The following MLC1 variants were observed in gnomAD, a reference collection of about 807,000 sequenced individuals.
The protein encoded by MLC1 is membrane protein MLC1.
A neutral mutation model predicts 44.7 loss-of-function variants in MLC1; 32 were observed. The ratio of observed to expected loss-of-function variants is 0.72; its 90% CI spans 0.54 to 0.96. The LOEUF (loss-of-function observed/expected upper bound fraction) is 0.96, where lower values mean the gene tolerates loss of function less well. Ranked by LOEUF, MLC1 falls within the 40% of genes least tolerant of loss-of-function variation. The pLI is 0.00. For synonymous variants in MLC1, 190 were observed against 213.0 expected, an observed-to-expected ratio of 0.89 and a Z score of 0.94; for missense variants, 459 against 492.2, an observed-to-expected ratio of 0.93 and a Z score of 0.64.
chr22:50,062,461 A>G (rs1333430921), intron 11 of MLC1, among the ~76,000 whole-genome samples: 5 of 152,228 alleles, frequency 3.3e-5, no homozygotes. Flanking sequence ...CCGTCCTAGC[A>G]GGGAGACTGA....
intron 10 of MLC1, among the ~76,000 whole-genome samples, chr22:50,064,990 T>C (rs1004995035): frequency 6.6e-6 from 1 of 152,192 alleles, no homozygotes; most frequent in African/African-American, 2.4e-5. Flanking sequence ...AGTGGCGCGA[T>C]CTCGGCTCGC....
chr22:50,068,432 C>T lies in MLC1; in HGVS notation c.894+1G>A, dbSNP rs1216099725. The T allele has an allele frequency of 6.2e-7, 1 of 1,613,610 alleles. No homozygotes were observed. The highest frequency in any genetic ancestry group is 1.3e-5 in the African/African-American group (1 of 75,052). ...GGGCTCTGAAATAAAATACAACTCA[C>T]TTTTATGGCTGGCGGGTAATCCTTA... On this transcript the variant is annotated splice_donor_variant, in intron 10 of 11. Coordinates refer to ENST00000311597, the MANE Select transcript of MLC1 (RefSeq NM_015166.4). LOFTEE classifies it high-confidence loss of function.
rs148532625 is a variant in MLC1, at chr22:50,076,877, T to G, written c.561A>C (p.Glu187Asp). The G allele has an allele frequency of 5.2e-4, 842 of 1,613,928 alleles. No individual in the cohort carries two copies. The highest frequency in any genetic ancestry group is 5.9e-4 in the Non-Finnish European group (698 of 1,179,860). Reference sequence around the variant, plus strand: ...TCAGGACCCGAGCAGGAAATGGCACTTCGTCCAGAATGTTGGCGCTGTCAG... The same window carrying G: ...TCAGGACCCGAGCAGGAAATGGCACGTCGTCCAGAATGTTGGCGCTGTCAG... ...SMSDSANILD[E>D]VPFPARVLKS... is the part of the protein sequence containing the mutation. Residue 187 changes from glutamate to aspartate, a missense_variant, in exon 7 of 12, where the codon GAA (glutamate) becomes GAC (aspartate). By Grantham distance (45) the Glu-to-Asp change is conservative. Coordinates refer to ENST00000311597, the MANE Select transcript of MLC1 (RefSeq NM_015166.4).
chr22:50,076,517 T>C (rs902873043), intron 7 of MLC1, among the ~76,000 whole-genome samples: 2 of 150,578 alleles, frequency 1.3e-5, no homozygotes, highest in Non-Finnish European at 2.9e-5. Context: ...ATAGCACCAC[T>C]GCACCCCAGC....
At chr22:50,082,820 G>A (rs1569251795) in intron 3 of MLC1, among the ~76,000 whole-genome samples, 1 of 151,892 alleles carries the variant, frequency 6.6e-6, no homozygotes, top group Non-Finnish European at 1.5e-5. Flanking sequence ...ACCCACCACC[G>A]CGCCCAGCTA....
intron 5 of MLC1, among the ~76,000 whole-genome samples, chr22:50,078,655 C>T (rs2062041364): frequency 6.6e-6 from 1 of 151,582 alleles, no homozygotes; most frequent in Non-Finnish European, 1.5e-5. Context: ...AGGAGAATTG[C>T]TTGAACCCGA....
At position 50,080,266 on chromosome 22, in the gene MLC1, A is replaced by G. The variant is rs116571264; in HGVS notation, c.321+78T>C. The G allele has an allele frequency of 6.0e-4, 904 of 1,507,582 alleles. 6 individuals are homozygous for G. The African/African-American group carries it at 0.012, about 19-fold the overall frequency. The allele number at this position is 1,507,582 out of a possible 1,614,324, so 93.4% of individuals were successfully genotyped here. ...ACAACGTCTGTGCGTGGGCACACACACAAGCACACATGGGCACACTGTCTG... is the reference window on the plus strand; with the variant it reads ...ACAACGTCTGTGCGTGGGCACACACGCAAGCACACATGGGCACACTGTCTG... On this transcript the variant is annotated intron_variant, in intron 4 of 11. Transcript: ENST00000311597.
chr22:50,077,286 A>C, intron 6 of MLC1, 115 bp downstream of exon 6: 5 of 933,426 alleles, frequency 5.4e-6, no homozygotes, highest in Non-Finnish European at 5.0e-6. Flanking sequence ...GTCTCATGGG[A>C]ATGCCCTGGA....
At chr22:50,061,780 G>A (rs2061564194) in intron 11 of MLC1, 123 bp from the exon 12 acceptor site, 1 of 885,840 alleles carries the variant, frequency 1.1e-6, no homozygotes, top group African/African-American at 1.7e-5. Flanking sequence ...GAATGTGAAG[G>A]AAGTGGGGAA....
intron 7 of MLC1, 29 bp from the exon 8 acceptor site, chr22:50,074,361 TA>T: frequency 1.3e-6 from 2 of 1,577,674 alleles, no homozygotes. Flanking sequence ...CATCGGCTCA[TA>T]AGGAAGTGGA....
rs575706921 is a variant in MLC1 at position 50,083,840 on chromosome 22, C to A, written c.178-667G>T. Among the ~76,000 whole-genome samples the A allele has an allele frequency of 7.9e-5, 12 of 152,246 alleles. No individual in the cohort carries two copies. The South Asian group carries it at 2.5e-3, about 32-fold the overall frequency. On this transcript the variant is annotated intron_variant, in intron 2 of 11. Coordinates refer to ENST00000311597, the MANE Select transcript of MLC1 (RefSeq NM_015166.4). The surrounding 1 kb of genome is among the most constrained non-coding windows in gnomAD (Gnocchi z 4.6). ...AAGCGAGGTCTGGGGCAGAGGGGAT[C>A]TGGCCTGGGCGGGGGAGGGGCTGCG...
intron 1 of MLC1, 42 bp from the exon 2 acceptor site, chr22:50,085,003 C>A: frequency 1.9e-6 from 3 of 1,548,306 alleles, no homozygotes; most frequent in South Asian, 1.2e-5. Flanking sequence ...TCTGAGGAAA[C>A]TTCAATAAGT....
chr22:50,080,208 T>C (rs1416365086), intron 4 of MLC1, 136 bp downstream of exon 4: 5 of 1,229,892 alleles, frequency 4.1e-6, no homozygotes, highest in Non-Finnish European at 5.8e-6. Flanking sequence ...CTTTACTGTC[T>C]GGGGGGCAAC....
intron 5 of MLC1, among the ~76,000 whole-genome samples, chr22:50,078,211 G>A (rs1216309791): frequency 2.0e-5 from 3 of 151,730 alleles, no homozygotes; most frequent in Non-Finnish European, 2.9e-5. Context: ...GGCTGGTCTC[G>A]AACTCCTGAC....
At chr22:50,080,480 G>C in intron 3 of MLC1, 83 bp from the exon 4 acceptor site, 1 of 1,389,744 alleles carries the variant, frequency 7.2e-7, no homozygotes, top group Non-Finnish European at 1.0e-6. Flanking sequence ...TGCGCTTCCA[G>C]AAGGATCTGA....
intron 5 of MLC1, among the ~76,000 whole-genome samples, chr22:50,079,500 C>CTTTTTTTTTTTTTTTTTTT (rs55760839): frequency 1.3e-5 from 1 of 75,820 alleles, no homozygotes; most frequent in Non-Finnish European, 2.5e-5. Flanking sequence ...GGATTTTTGT[C>CTTTTTTTTTTTTTTTTTTT]TTTTTTTTTT....
chr22:50,059,458 CT>C lies in MLC1; in HGVS notation c.*2124del, dbSNP rs2061521088. ...AAAATGTAGACTGAAAGAGACAGTTCTTTTAAACCCCATTTTTCCGGATTTT... is the reference window on the plus strand; with the variant it reads ...AAAATGTAGACTGAAAGAGACAGTTCTTTAAACCCCATTTTTCCGGATTTT... On this transcript the variant is annotated 3_prime_UTR_variant, in exon 12 of 12. Transcript: ENST00000311597. The C allele has an allele frequency of 6.6e-6, 1 of 152,368 alleles. No homozygotes were observed. Among genetic ancestry groups the C allele is most frequent in the Admixed American group, 6.5e-5 (1 of 15,284 alleles). The allele number at this position is 152,368 out of a possible 1,614,324, so 9.4% of individuals were successfully genotyped here.
chr22:50,065,171 G>A (rs987970121), intron 10 of MLC1, among the ~76,000 whole-genome samples: 18 of 152,174 alleles, frequency 1.2e-4, no homozygotes, highest in Non-Finnish European at 1.2e-4. Context: ...TGCCTGCTTC[G>A]GCCTCCCAAA....
At chr22:50,081,697 G>C (rs1257295770) in intron 3 of MLC1, among the ~76,000 whole-genome samples, 4 of 152,272 alleles carry the variant, frequency 2.6e-5, no homozygotes, top group Non-Finnish European at 4.4e-5. Flanking sequence ...CGGGGCCTGA[G>C]CGAGGGGCAG....
Sources: allele counts gnomAD v4.1 joint callset (sites outside exome capture counted in the v4.1 genomes callset), GRCh38; gene constraint gnomAD v4.1.1; non-coding constraint Gnocchi (gnomAD v3.1); transcripts MANE v1.5; gene names NCBI Gene and HGNC (gene_info 2026-07-23, HGNC 2026-07-21).